The following KIAA1217 variants were observed in gnomAD, a reference collection of about 807,000 sequenced individuals.
KIAA1217 encodes KIAA1217, also known as sickle tail protein homolog.
KIAA1217 carries 88 observed loss-of-function variants against 163.9 expected under a neutral mutation model. The observed-to-expected ratio is 0.54, with a 90% CI of 0.45 to 0.64. KIAA1217 has a LOEUF of 0.64. KIAA1217 is among the 30% of genes least tolerant of loss of function. The pLI is 0.00. For synonymous variants in KIAA1217, 903 were observed against 923.1 expected (o/e 0.98, Z 0.39); for missense variants, 2,372 against 2,475.0 (o/e 0.96, Z 0.88).
At chr10:24,463,329 C>T (rs908208077) in intron 5 of KIAA1217, among the ~76,000 whole-genome samples, 16 of 152,166 alleles carry the variant, frequency 1.1e-4, no homozygotes, top group Non-Finnish European at 1.9e-4. Flanking sequence ...CAGTAGAGTT[C>T]CTCTGTCAAA....
At chr10:24,307,397 G>A (rs2042120842) in intron 2 of KIAA1217, among the ~76,000 whole-genome samples, 1 of 152,076 alleles carries the variant, frequency 6.6e-6, no homozygotes, top group African/African-American at 2.4e-5. Context: ...CAGCAAACCT[G>A]GCCAAGTGCT....
In KIAA1217 at chr10:24,311,187, G is replaced by C. The variant is rs535820450; in HGVS notation, c.355-69682G>C. Among the ~76,000 whole-genome samples, 66 of 152,280 alleles carry C rather than the reference G, an allele frequency of 4.3e-4. 1 individual carries two copies. The highest frequency in any genetic ancestry group is 1.6e-3 in the African/African-American group (65 of 41,564). On this transcript the variant is annotated intron_variant, in intron 2 of 20. Coordinates refer to ENST00000376454, the MANE Select transcript of KIAA1217 (RefSeq NM_019590.5). Reference sequence around the variant, plus strand: ...ATTGCCCCTGAATTAAAGGCTTTGTGTTCTGCACACGTGATGCAACCTCAG... The same window carrying C: ...ATTGCCCCTGAATTAAAGGCTTTGTCTTCTGCACACGTGATGCAACCTCAG...
intron 1 of KIAA1217, among the ~76,000 whole-genome samples, chr10:23,928,309 G>A (rs544985428): frequency 1.3e-5 from 2 of 152,166 alleles, no homozygotes; most frequent in African/African-American, 2.4e-5. Context: ...ACATATTCTA[G>A]TGGAAAATAT....
intron 2 of KIAA1217, among the ~76,000 whole-genome samples, chr10:24,361,714 G>T (rs535150208): frequency 3.3e-5 from 5 of 152,014 alleles, no homozygotes; most frequent in African/African-American, 9.7e-5. Flanking sequence ...GATGGCTCAC[G>T]CCTGTAATCC....
intron 2 of KIAA1217, among the ~76,000 whole-genome samples, chr10:24,185,685 C>T (rs922191031): frequency 6.6e-6 from 1 of 152,070 alleles, no homozygotes; most frequent in Non-Finnish European, 1.5e-5. Flanking sequence ...ATTGCAGCTA[C>T]TCGGGAGGTT....
At chr10:23,741,819 A>G (rs1839131185) in intron 1 of KIAA1217, among the ~76,000 whole-genome samples, 1 of 152,198 alleles carries the variant, frequency 6.6e-6, no homozygotes, top group Non-Finnish European at 1.5e-5. Flanking sequence ...CAGGGGATAG[A>G]GCTCTGTTGT....
chr10:24,402,715 A>C (rs945675746), intron 3 of KIAA1217, among the ~76,000 whole-genome samples: 1 of 152,150 alleles, frequency 6.6e-6, no homozygotes. Context: ...GAACCACCCA[A>C]ATACGCCCAC....
intron 2 of KIAA1217, among the ~76,000 whole-genome samples, chr10:24,248,090 T>G (rs897245926): frequency 2.0e-5 from 3 of 152,220 alleles, no homozygotes; most frequent in African/African-American, 7.2e-5. Context: ...TGGTTGTCCC[T>G]TGAAGAAGGA....
chr10:24,188,700 A>G (rs930062231), intron 2 of KIAA1217, among the ~76,000 whole-genome samples: 3 of 152,168 alleles, frequency 2.0e-5, no homozygotes, highest in African/African-American at 7.2e-5. Flanking sequence ...GTCCTTTTTC[A>G]GGAGTCAGCT....
intron 2 of KIAA1217, among the ~76,000 whole-genome samples, chr10:24,054,468 T>C (rs944028122): frequency 6.6e-6 from 1 of 152,128 alleles, no homozygotes; most frequent in Non-Finnish European, 1.5e-5. Context: ...TATTCCAAGA[T>C]TTGAGCTTCA....
At chr10:24,130,964 G>A (rs1325313566) in intron 2 of KIAA1217, among the ~76,000 whole-genome samples, 1 of 152,154 alleles carries the variant, frequency 6.6e-6, no homozygotes, top group Non-Finnish European at 1.5e-5. Context: ...TTTAAAGTTT[G>A]TAAAGATTGG....
chr10:24,513,786 T>TAAAAAAA (rs10711541), intron 10 of KIAA1217, among the ~76,000 whole-genome samples: 205 of 140,756 alleles, frequency 1.5e-3, no homozygotes, highest in Middle Eastern at 3.6e-3. Flanking sequence ...TCCTGTCTCT[T>TAAAAAAA]AAAAAAAAAA....
intron 2 of KIAA1217, among the ~76,000 whole-genome samples, chr10:24,279,206 T>A (rs187598113): frequency 2.8e-4 from 43 of 151,988 alleles, no homozygotes; most frequent in African/African-American, 1.0e-3. Flanking sequence ...TTCCCCATTG[T>A]TTTGTTTTCT....
chr10:24,528,773 T>C (rs1348751355), intron 14 of KIAA1217, among the ~76,000 whole-genome samples: 1 of 152,030 alleles, frequency 6.6e-6, no homozygotes, highest in Non-Finnish European at 1.5e-5. Flanking sequence ...GCTGGGAAAA[T>C]ATTAGGCCTG....
intron 1 of KIAA1217, among the ~76,000 whole-genome samples, chr10:23,887,909 G>A (rs1007835819): frequency 3.8e-4 from 57 of 151,826 alleles, no homozygotes; most frequent in African/African-American, 1.2e-3. Context: ...CCAGCTACTG[G>A]CCAGTGCTTA....
intron 2 of KIAA1217, among the ~76,000 whole-genome samples, chr10:24,007,540 A>AAG (rs1564606166): frequency 3.3e-5 from 5 of 152,094 alleles, no homozygotes; most frequent in Admixed American, 6.6e-5. Flanking sequence ...TCCCACAGGT[A>AAG]TTTGTTCTGA....
intron 1 of KIAA1217, among the ~76,000 whole-genome samples, chr10:23,942,945 C>CAAA (rs112348727): frequency 5.9e-5 from 6 of 100,848 alleles, no homozygotes; most frequent in African/African-American, 9.4e-5. Context: ...CTGTCTGTAC[C>CAAA]AAAAAAAAAA....
chr10:24,346,546 G>A (rs917184185), intron 2 of KIAA1217, among the ~76,000 whole-genome samples: 1 of 150,030 alleles, frequency 6.7e-6, no homozygotes, highest in Non-Finnish European at 1.5e-5. Flanking sequence ...AAGGACATTT[G>A]GTATTTTGGG....
chr10:24,342,405 C>T (rs1231688319), intron 2 of KIAA1217, among the ~76,000 whole-genome samples: 9 of 152,246 alleles, frequency 5.9e-5, no homozygotes, highest in African/African-American at 2.2e-4. Context: ...TTAAGCTGTG[C>T]ACACAATCAC....
Sources: gnomAD v4.1 joint callset for allele counts (sites outside exome capture counted in the v4.1 genomes callset) on GRCh38, gnomAD v4.1.1 for gene constraint, MANE v1.5 for transcripts, NCBI Gene and HGNC (gene_info 2026-07-23, HGNC 2026-07-21) for gene names.